LRRC4C: variants seen among roughly 807,000 people sequenced by gnomAD.
LRRC4C encodes leucine-rich repeat-containing protein 4C.
Under a neutral mutation model 33.6 loss-of-function variants are expected in LRRC4C, and 5 were observed. The observed-to-expected ratio is 0.15, with a 90% CI of 0.08 to 0.31. The LOEUF is 0.31. Among genes scored for constraint, LRRC4C ranks in the 10% least tolerant of loss-of-function variants. LRRC4C has a pLI of 1.00. For synonymous variants in LRRC4C, 329 were observed against 302.0 expected, an observed-to-expected ratio of 1.09 and a Z score of -0.93; for missense variants, 560 against 796.7, an observed-to-expected ratio of 0.70 and a Z score of 3.58.
At chr11:41,184,231 C>G (rs573346414) in intron 1 of LRRC4C, among the ~76,000 whole-genome samples, 5 of 151,754 alleles carry the variant, frequency 3.3e-5, no homozygotes, top group Non-Finnish European at 5.9e-5. Flanking sequence ...CTGCAGCCAG[C>G]TTAAATTTCT....
At chr11:40,949,515 C>G (rs1246152683) in intron 1 of LRRC4C, among the ~76,000 whole-genome samples, 1 of 152,066 alleles carries the variant, frequency 6.6e-6, no homozygotes, top group Non-Finnish European at 1.5e-5. Context: ...AACAGCGGAT[C>G]TCTCGGCAGA....
At chr11:40,966,664 C>T (rs1001315567) in intron 1 of LRRC4C, among the ~76,000 whole-genome samples, 1 of 151,956 alleles carries the variant, frequency 6.6e-6, no homozygotes, top group African/African-American at 2.4e-5. Context: ...AGCCTCATGC[C>T]TCTGTCCTCA....
In LRRC4C at chr11:40,842,284, A is replaced by G. The variant is rs375090005; in HGVS notation, c.-407+91351T>C. On this transcript the variant is annotated intron_variant, in intron 2 of 6. Transcript: ENST00000528697. Reference sequence around the variant, plus strand: ...TGCAGCTTCTGCCTCCTGCATCCCAATGTGGATAGCCTCACATCCCAACTC... The same window carrying G: ...TGCAGCTTCTGCCTCCTGCATCCCAGTGTGGATAGCCTCACATCCCAACTC... Among the ~76,000 whole-genome samples the G allele has an allele frequency of 3.2e-4, 49 of 152,226 alleles. No homozygotes were observed. In the South Asian group the frequency reaches 5.2e-3, roughly 16 times the overall value.
At chr11:40,955,594 C>T (rs1373670980) in intron 1 of LRRC4C, among the ~76,000 whole-genome samples, 1 of 151,726 alleles carries the variant, frequency 6.6e-6, no homozygotes, top group Non-Finnish European at 1.5e-5. Context: ...GTTCAAGATC[C>T]TATTTTGAGA....
chr11:41,085,303 G>T (rs1031972867), intron 1 of LRRC4C, among the ~76,000 whole-genome samples: 1 of 152,082 alleles, frequency 6.6e-6, no homozygotes, highest in Non-Finnish European at 1.5e-5. Flanking sequence ...GGGCTCTCAA[G>T]CTAGGCTGCC....
intron 5 of LRRC4C, among the ~76,000 whole-genome samples, chr11:40,169,023 C>G (rs978620817): frequency 1.3e-5 from 2 of 152,024 alleles, no homozygotes; most frequent in African/African-American, 4.8e-5. Context: ...AATTCTAACC[C>G]TTGAGTTTTA....
intron 3 of LRRC4C, among the ~76,000 whole-genome samples, chr11:40,356,439 T>C (rs1947674452): frequency 6.6e-6 from 1 of 152,220 alleles, no homozygotes. Context: ...AATTATTCTA[T>C]GATGTTGTTA....
At chr11:40,523,856 T>C (rs1375440367) in intron 3 of LRRC4C, among the ~76,000 whole-genome samples, 2 of 152,170 alleles carry the variant, frequency 1.3e-5, no homozygotes, top group African/African-American at 2.4e-5. Flanking sequence ...GTGTCTTCAT[T>C]CTGTTCCTGC....
intron 2 of LRRC4C, among the ~76,000 whole-genome samples, chr11:40,891,046 C>T (rs988757162): frequency 6.6e-6 from 1 of 152,028 alleles, no homozygotes; most frequent in Non-Finnish European, 1.5e-5. Context: ...AGTTCAAAAC[C>T]ATCCTGGCCA....
At chr11:41,105,832 A>G (rs1364108020) in intron 1 of LRRC4C, among the ~76,000 whole-genome samples, 2 of 152,146 alleles carry the variant, frequency 1.3e-5, no homozygotes, top group Non-Finnish European at 2.9e-5. Context: ...GTATAAAGGA[A>G]GGGAATGCAC....
rs1240810554 is a variant in LRRC4C at position 40,115,713 on chromosome 11, C to G, written c.580G>C (p.Glu194Gln). ...AAATACCTCAAGTTGGACAGACCTT[C>G]AAAGGCACCTTCTGAGATGTATGAA... ...RLSYISEGAFEGLSNLRYLNL... is the reference protein window; with the variant it reads ...RLSYISEGAFQGLSNLRYLNL... Residue 194 changes from glutamate to glutamine, a missense_variant, in exon 7 of 7, where the codon GAA (glutamate) becomes CAA (glutamine). Physicochemically the swap from Glu to Gln is conservative, Grantham distance 29. Around this residue, in one of 3 missense-constraint regions of LRRC4C, gnomAD observed 455 missense variants for 643.8 expected, o/e 0.71. Coordinates refer to ENST00000528697, the MANE Select transcript of LRRC4C (RefSeq NM_001258419.2). This position sits in a 1 kb window ranked among gnomAD's most constrained non-coding sequence, Gnocchi z 6.7. 1 of 1,614,172 alleles carries G rather than the reference C, an allele frequency of 6.2e-7. No homozygotes were observed.
chr11:40,471,581 T>C (rs544323127), intron 3 of LRRC4C, among the ~76,000 whole-genome samples: 1 of 149,490 alleles, frequency 6.7e-6, no homozygotes, highest in Non-Finnish European at 1.5e-5. Flanking sequence ...AATTAAAAGA[T>C]CCCTCAGTGT....
At chr11:40,968,297 G>A (rs1029620029) in intron 1 of LRRC4C, among the ~76,000 whole-genome samples, 1 of 152,060 alleles carries the variant, frequency 6.6e-6, no homozygotes, top group Non-Finnish European at 1.5e-5. Flanking sequence ...AGCAGAGGTT[G>A]GTTCACCAGG....
chr11:40,134,438 CAT>C (rs1856839642), intron 6 of LRRC4C, among the ~76,000 whole-genome samples: 1 of 151,960 alleles, frequency 6.6e-6, no homozygotes, highest in Non-Finnish European at 1.5e-5. Context: ...TTCTTTCTGA[CAT>C]GTGATCAGAA....
chr11:41,281,552 C>A (rs1188402337), intron 1 of LRRC4C, among the ~76,000 whole-genome samples: 2 of 152,202 alleles, frequency 1.3e-5, no homozygotes, highest in African/African-American at 4.8e-5. Context: ...ACAGCTGAAT[C>A]TGTGAGGCTT....
At chr11:40,833,472 A>G (rs536588471) in intron 2 of LRRC4C, among the ~76,000 whole-genome samples, 5 of 152,108 alleles carry the variant, frequency 3.3e-5, no homozygotes, top group Non-Finnish European at 5.9e-5. Flanking sequence ...AAAAAGTATC[A>G]ATGAGATTTT....
intron 2 of LRRC4C, among the ~76,000 whole-genome samples, chr11:40,906,419 G>C (rs563066617): frequency 4.6e-5 from 7 of 152,138 alleles, no homozygotes; most frequent in African/African-American, 1.7e-4. Context: ...GCTGAGGTGG[G>C]AGAATTGCTT....
At chr11:41,035,383 C>G (rs547170060) in intron 1 of LRRC4C, among the ~76,000 whole-genome samples, 113 of 152,122 alleles carry the variant, frequency 7.4e-4, no homozygotes, top group African/African-American at 2.3e-3. Context: ...CCCTGCATCC[C>G]CTCTCCTACT....
At chr11:40,290,422 C>T (rs1028427711) in intron 4 of LRRC4C, among the ~76,000 whole-genome samples, 2 of 152,138 alleles carry the variant, frequency 1.3e-5, no homozygotes, top group Non-Finnish European at 2.9e-5. Context: ...TGTGTTCCAA[C>T]AGGAAACATG....
Sources: allele counts gnomAD v4.1 joint callset (sites outside exome capture counted in the v4.1 genomes callset), GRCh38; gene constraint gnomAD v4.1.1; regional missense constraint gnomAD v4.1.1; non-coding constraint Gnocchi (gnomAD v3.1); transcripts MANE v1.5; gene names NCBI Gene and HGNC (gene_info 2026-07-23, HGNC 2026-07-21).